TBL1XR1: variants seen among roughly 807,000 people sequenced by gnomAD.
The protein encoded by TBL1XR1 is TBL1X/Y related 1.
In TBL1XR1, 5 loss-of-function variants were observed where a neutral mutation model predicts 66.9. That is an observed-to-expected ratio of 0.07 (90% CI 0.04 to 0.16). The LOEUF (loss-of-function observed/expected upper bound fraction) is 0.16, where lower values mean the gene tolerates loss of function less well. TBL1XR1 is among the 10% of genes least tolerant of loss of function. The pLI is 1.00. For missense variants in TBL1XR1, 238 were observed against 623.2 expected (o/e 0.38, Z 6.58); for synonymous variants, 210 against 206.0 (o/e 1.02, Z -0.17).
intron 1 of TBL1XR1, among the ~76,000 whole-genome samples, chr3:177,129,347 ATAAAAATTT>A (rs531141169): frequency 3.3e-5 from 5 of 152,338 alleles, no homozygotes; most frequent in African/African-American, 7.2e-5. Context: ...CTTACAGAAA[ATAAAAATTT>A]TAAAGCTTAA....
At chr3:177,081,528 T>A (rs899403617) in intron 2 of TBL1XR1, among the ~76,000 whole-genome samples, 2 of 146,304 alleles carry the variant, frequency 1.4e-5, no homozygotes, top group African/African-American at 2.5e-5. Flanking sequence ...GAGAGAAGAA[T>A]CATTTGAGCC....
At chr3:177,072,869 G>A (rs1577082257) in intron 2 of TBL1XR1, among the ~76,000 whole-genome samples, 1 of 152,160 alleles carries the variant, frequency 6.6e-6, no homozygotes, top group Non-Finnish European at 1.5e-5. Flanking sequence ...TTCGAGACCA[G>A]CCTGGCCAAC....
rs1166961233 is a variant in TBL1XR1 at position 177,038,424 on chromosome 3, C to T, written c.936G>A (p.Leu312=). The change falls in exon 11 of 16, where the codon TTG becomes TTA. Residue 312 remains leucine, a synonymous_variant. Coordinates refer to ENST00000457928, the MANE Select transcript of TBL1XR1 (RefSeq NM_024665.7). ...TGTTGTTGCTCTGCCAATCAACATC[C>T]AATGCTGGTGCTGCAAAGGAACAAA... is the stretch of plus-strand genomic sequence containing the variant. ...QQFPFHSAPA[L]DVDWQSNNTF... The T allele has an allele frequency of 6.4e-7, 1 of 1,553,864 alleles. No homozygotes were observed. Among genetic ancestry groups the T allele is most frequent in the Non-Finnish European group, 8.7e-7 (1 of 1,148,880 alleles).
At chr3:177,071,008 G>T (rs1401437532) in intron 2 of TBL1XR1, among the ~76,000 whole-genome samples, 1 of 144,948 alleles carries the variant, frequency 6.9e-6, no homozygotes, top group Admixed American at 7.0e-5. Flanking sequence ...TCTAGCTTTG[G>T]AACAGACATG....
intron 14 of TBL1XR1, chr3:177,027,070 A>G (rs1713242157): frequency 6.6e-6 from 1 of 152,268 alleles, no homozygotes; most frequent in Admixed American, 6.5e-5. Context: ...ATCATAGCTC[A>G]CTGCACCTTC....
intron 2 of TBL1XR1, among the ~76,000 whole-genome samples, chr3:177,088,700 T>C (rs559811491): frequency 2.8e-5 from 4 of 145,040 alleles, no homozygotes; most frequent in Non-Finnish European, 6.0e-5. Context: ...TCTGCTTTTC[T>C]TCATTTGTTT....
chr3:177,140,808 A>G (rs914478794), intron 1 of TBL1XR1, among the ~76,000 whole-genome samples: 13 of 152,180 alleles, frequency 8.5e-5, no homozygotes, highest in African/African-American at 3.1e-4. Flanking sequence ...TACAGGAAAA[A>G]AGGAGGTTCA....
intron 4 of TBL1XR1, 80 bp downstream of exon 4, chr3:177,053,693 C>A: frequency 7.3e-7 from 1 of 1,372,858 alleles, no homozygotes; most frequent in South Asian, 1.3e-5. Context: ...AGTCAGAATA[C>A]TGAATAAGCA....
Position 177,019,700 on chromosome 3 carries a change from T to A in TBL1XR1, c.*5798A>T, listed in dbSNP as rs931674336. The A allele has an allele frequency of 1.3e-5, 2 of 152,176 alleles. No individual in the cohort carries two copies. Among genetic ancestry groups the A allele is most frequent in the South Asian group, 2.1e-4 (1 of 4,830 alleles). 9.4% of individuals were successfully genotyped at this position (152,176 alleles called of 1,614,324 possible). The stretch of plus-strand genomic sequence containing the variant: ...CCATTGTAAAGTGTTAACTATGAAA[T>A]TAAAAATAATCCCTTCTATTACTGT... On this transcript the variant is annotated 3_prime_UTR_variant, in exon 16 of 16. Coordinates refer to ENST00000457928, the MANE Select transcript of TBL1XR1 (RefSeq NM_024665.7).
At chr3:177,098,332 AT>A in intron 2 of TBL1XR1, 133 bp downstream of exon 2, 7 of 299,196 alleles carry the variant, frequency 2.3e-5, no homozygotes, top group South Asian at 1.3e-4. Flanking sequence ...AGAATAAAAA[AT>A]TTAAAAAAAA....
chr3:177,137,266 G>T (rs1388082606), intron 1 of TBL1XR1, among the ~76,000 whole-genome samples: 1 of 152,216 alleles, frequency 6.6e-6, no homozygotes, highest in Non-Finnish European at 1.5e-5. Context: ...GCCAAGACGG[G>T]GGATTGCTTG....
intron 1 of TBL1XR1, among the ~76,000 whole-genome samples, chr3:177,167,526 G>A (rs1440228258): frequency 2.0e-5 from 3 of 152,196 alleles, no homozygotes; most frequent in African/African-American, 4.8e-5. Flanking sequence ...TGTAACCAAC[G>A]TACCACTCTG....
At chr3:177,027,368 G>A (rs555169292) in intron 14 of TBL1XR1, 1 of 152,258 alleles carries the variant, frequency 6.6e-6, no homozygotes, top group South Asian at 2.1e-4. Flanking sequence ...TACTAATAAT[G>A]TAATCATTCA....
chr3:177,072,083 TTTC>T (rs2108569617), intron 2 of TBL1XR1, among the ~76,000 whole-genome samples: 2 of 152,316 alleles, frequency 1.3e-5, no homozygotes, highest in African/African-American at 4.8e-5. Flanking sequence ...ACTCTTAATA[TTTC>T]TTAATAGAAT....
chr3:177,039,212 AT>A (rs201572401), intron 10 of TBL1XR1, among the ~76,000 whole-genome samples: 1 of 152,180 alleles, frequency 6.6e-6, no homozygotes, highest in East Asian at 1.9e-4. Context: ...CAGAAAAAAA[AT>A]AAAAATAAAA....
At chr3:177,161,007 A>C (rs1306247925) in intron 1 of TBL1XR1, 1 of 152,120 alleles carries the variant, frequency 6.6e-6, no homozygotes, top group Non-Finnish European at 1.5e-5. Context: ...AAAAAAAAAA[A>C]AATAAAGATC....
At chr3:177,145,473 C>G (rs879737213) in intron 1 of TBL1XR1, among the ~76,000 whole-genome samples, 1 of 152,158 alleles carries the variant, frequency 6.6e-6, no homozygotes, top group Admixed American at 6.5e-5. Context: ...ATAACAGCCT[C>G]TCAAAGTTCG....
chr3:177,148,485 G>C (rs967589725), intron 1 of TBL1XR1, among the ~76,000 whole-genome samples: 1 of 151,806 alleles, frequency 6.6e-6, no homozygotes, highest in Non-Finnish European at 1.5e-5. Flanking sequence ...GGAGGCTGAG[G>C]TGGGTGGATA....
At chr3:177,201,203 G>A (rs960308404), upstream of TBL1XR1, among the ~76,000 whole-genome samples, 16 of 151,820 alleles carry the variant, frequency 1.1e-4, no homozygotes, top group African/African-American at 3.6e-4. Flanking sequence ...ACGAGGTCGG[G>A]AGTTCGAGAC....
Sources: allele counts gnomAD v4.1 joint callset (sites outside exome capture counted in the v4.1 genomes callset), GRCh38; gene constraint gnomAD v4.1.1; transcripts MANE v1.5; gene names NCBI Gene and HGNC (gene_info 2026-07-23, HGNC 2026-07-21).